Variants in ATP9B observed in about 807,000 individuals in gnomAD.
ATP9B encodes the protein ATPase phospholipid transporting 9B.
In ATP9B, 110 loss-of-function variants were observed where a neutral mutation model predicts 146.1. The observed-to-expected ratio is 0.75, with a 90% CI of 0.65 to 0.88. The LOEUF is 0.88. ATP9B is among the 40% of genes least tolerant of loss of function. The pLI, the probability that ATP9B is intolerant of heterozygous loss-of-function variation, is 0.00. For missense variants in ATP9B, 1,499 were observed against 1,496.4 expected (o/e 1.00, Z -0.03); for synonymous variants, 604 against 569.7 (o/e 1.06, Z -0.86).
intron 13 of ATP9B, among the ~76,000 whole-genome samples, chr18:79,303,144 G>A (rs530159657): frequency 7.2e-5 from 11 of 152,346 alleles, no homozygotes; most frequent in Admixed American, 1.3e-4. Flanking sequence ...AGGAGGCCAA[G>A]ACAGAAGGAT....
At chr18:79,178,445 T>A (rs1317131439) in intron 8 of ATP9B, among the ~76,000 whole-genome samples, 1 of 152,174 alleles carries the variant, frequency 6.6e-6, no homozygotes, top group East Asian at 1.9e-4. Flanking sequence ...TTTGGTGATG[T>A]GTCCTGTTGA....
chr18:79,319,464 G>A (rs1297370438), intron 15 of ATP9B, among the ~76,000 whole-genome samples: 2 of 151,632 alleles, frequency 1.3e-5, no homozygotes, highest in Admixed American at 1.3e-4. Context: ...GTTCCATAGG[G>A]GCCCCCGCCT....
intron 15 of ATP9B, among the ~76,000 whole-genome samples, chr18:79,318,219 A>T (rs1418222128): frequency 6.6e-6 from 1 of 152,254 alleles, no homozygotes; most frequent in Non-Finnish European, 1.5e-5. Flanking sequence ...GCTACACACG[A>T]TGACTTCGTC....
chr18:79,168,956 G>T (rs1228553534), intron 7 of ATP9B, among the ~76,000 whole-genome samples: 2 of 151,950 alleles, frequency 1.3e-5, no homozygotes, highest in African/African-American at 4.8e-5. Context: ...AGCCCCCATT[G>T]TTCTCTCTGA....
chr18:79,072,692 G>A (rs2072017039), intron 1 of ATP9B, among the ~76,000 whole-genome samples: 1 of 145,140 alleles, frequency 6.9e-6, no homozygotes, highest in Non-Finnish European at 1.5e-5. Flanking sequence ...GCGGCTGCCG[G>A]GTGGGGGCGC....
At chr18:79,314,376 G>T (rs1057088573) in intron 15 of ATP9B, among the ~76,000 whole-genome samples, 20 of 152,160 alleles carry the variant, frequency 1.3e-4, no homozygotes, top group African/African-American at 3.9e-4. Flanking sequence ...CATTTTTCCT[G>T]AAGGAGAAAC....
chr18:79,333,981 C>T (rs141951774), intron 17 of ATP9B, among the ~76,000 whole-genome samples: 4 of 152,156 alleles, frequency 2.6e-5, no homozygotes, highest in South Asian at 2.1e-4. Context: ...GCGAATCTTT[C>T]GGGACCTTCC....
At chr18:79,319,370 C>G (rs991310726) in intron 15 of ATP9B, among the ~76,000 whole-genome samples, 1 of 151,682 alleles carries the variant, frequency 6.6e-6, no homozygotes, top group African/African-American at 2.4e-5. Context: ...GGGTCCCTGC[C>G]TCTCCTGGCT....
At chr18:79,302,505 A>G (rs982847550) in intron 13 of ATP9B, among the ~76,000 whole-genome samples, 3 of 152,242 alleles carry the variant, frequency 2.0e-5, no homozygotes, top group Non-Finnish European at 4.4e-5. Context: ...CGCTACATAC[A>G]TATCCAGAGG....
chr18:79,259,191 G>A (rs1243042163), intron 12 of ATP9B, among the ~76,000 whole-genome samples: 1 of 152,122 alleles, frequency 6.6e-6, no homozygotes, highest in Non-Finnish European at 1.5e-5. Flanking sequence ...AGTATTTAAC[G>A]TTGACTTTTG....
In ATP9B at chr18:79,203,310, T is replaced by G. The variant is rs552030818; in HGVS notation, c.955-3627T>G. 9.2e-5 allele frequency among the ~76,000 whole-genome samples: 14 copies of G among 151,704 alleles called. No individual in the cohort carries two copies. In the East Asian group the frequency reaches 2.7e-3, roughly 29 times the overall value. On this transcript the variant is annotated intron_variant, in intron 9 of 29. Coordinates refer to ENST00000426216, the MANE Select transcript of ATP9B (RefSeq NM_198531.5). Reference sequence around the variant, plus strand: ...AGGCCCTGGAGGAGCAGGTACCCGATGCTTCTTAGAGGCAGGAGGGCGTAG... The same window carrying G: ...AGGCCCTGGAGGAGCAGGTACCCGAGGCTTCTTAGAGGCAGGAGGGCGTAG...
intron 4 of ATP9B, among the ~76,000 whole-genome samples, chr18:79,119,629 C>T (rs1331615998): frequency 1.3e-5 from 2 of 152,156 alleles, no homozygotes; most frequent in African/African-American, 4.8e-5. Flanking sequence ...TAATGCTTGA[C>T]GTTGCCTTCT....
chr18:79,373,840 C>G, intron 27 of ATP9B, 58 bp from the exon 28 acceptor site: 1 of 1,584,564 alleles, frequency 6.3e-7, no homozygotes, highest in Non-Finnish European at 8.7e-7. Context: ...AAGGCTGTTT[C>G]CTCTAGCTGG....
chr18:79,348,267 A>C (rs1044451933), intron 25 of ATP9B, 71 bp downstream of exon 25: 46 of 1,223,440 alleles, frequency 3.8e-5, no homozygotes, highest in East Asian at 3.4e-4. Flanking sequence ...AAAAAAAAAA[A>C]AACAAAAAAC....
At chr18:79,116,781 G>A (rs866295139) in intron 4 of ATP9B, among the ~76,000 whole-genome samples, 2 of 83,934 alleles carry the variant, frequency 2.4e-5, no homozygotes, top group African/African-American at 9.4e-5. Context: ...GTGGGGTCGG[G>A]GGAGGGGGGA....
intron 1 of ATP9B, chr18:79,086,567 G>T (rs1355886561): frequency 6.6e-6 from 1 of 151,048 alleles, no homozygotes; most frequent in Non-Finnish European, 1.5e-5. Flanking sequence ...TGATAGTAGG[G>T]AACATCACAA....
rs117624683 is a variant in ATP9B at position 79,212,182 on chromosome 18, C to T, written c.1031-1780C>T. On this transcript the variant is annotated intron_variant, in intron 10 of 29. Transcript: ENST00000426216. The stretch of plus-strand genomic sequence containing the variant: ...AATATTTCTGCACTGATTCTAGTTA[C>T]GTTAGATATTAAAAAGCATGACACT... Among the ~76,000 whole-genome samples the T allele has an allele frequency of 4.2e-3, 639 of 152,182 alleles. 3 individuals carry two copies. The highest frequency in any genetic ancestry group is 0.01 in the Middle Eastern group (3 of 294).
intron 9 of ATP9B, among the ~76,000 whole-genome samples, chr18:79,205,072 G>A (rs528711151): frequency 1.3e-5 from 2 of 152,242 alleles, no homozygotes; most frequent in Admixed American, 1.3e-4. Flanking sequence ...GATCCCCAGG[G>A]CCCTGAGAGT....
chr18:79,176,558 A>G (rs2095173557), intron 7 of ATP9B, among the ~76,000 whole-genome samples: 1 of 152,260 alleles, frequency 6.6e-6, no homozygotes, highest in South Asian at 2.1e-4. Context: ...AAACCTTAAT[A>G]GGCAAGAACA....
Sources: allele counts gnomAD v4.1 joint callset (sites outside exome capture counted in the v4.1 genomes callset), GRCh38; gene constraint gnomAD v4.1.1; transcripts MANE v1.5; gene names NCBI Gene and HGNC (gene_info 2026-07-23, HGNC 2026-07-21).